NRG1: variants seen among roughly 807,000 people sequenced by gnomAD.
NRG1 encodes the protein pro-neuregulin-1, membrane-bound isoform.
NRG1 carries 18 observed loss-of-function variants against 63.8 expected under a neutral mutation model. The observed-to-expected ratio is 0.28, with a 90% CI of 0.19 to 0.42. The LOEUF is 0.42. Ranked by LOEUF, NRG1 falls within the 10% of genes least tolerant of loss-of-function variation. NRG1 has a pLI of 1.00. For missense variants in NRG1, 762 were observed against 814.7 expected, an observed-to-expected ratio of 0.94 and a Z score of 0.79; for synonymous variants, 302 against 301.3, an observed-to-expected ratio of 1.00 and a Z score of -0.02.
chr8:32,312,540 C>A (rs891401324), intron 1 of NRG1, among the ~76,000 whole-genome samples: 1 of 151,856 alleles, frequency 6.6e-6, no homozygotes, highest in African/African-American at 2.4e-5. Flanking sequence ...ACTCACAGAG[C>A]AAGAAGGCAT....
rs1208175348 is a variant in NRG1, at chr8:32,075,844, TG to T, written c.37+436414del. Reference sequence around the variant, plus strand: ...CAGGCCACCACACCCACCTAATTTTTGTGTTCATAGTAGAGACGGGGTTTCG... The same window carrying T: ...CAGGCCACCACACCCACCTAATTTTTTGTTCATAGTAGAGACGGGGTTTCG... On this transcript the variant is annotated intron_variant, in intron 1 of 10. Coordinates refer to the NRG1 transcript ENST00000519301. Among the ~76,000 whole-genome samples, 11 of 152,264 alleles carry T rather than the reference TG, an allele frequency of 7.2e-5. No individual in the cohort carries two copies. In the East Asian group the frequency reaches 2.1e-3, roughly 29 times the overall value.
chr8:31,768,732 A>C (rs1818323910), intron 1 of NRG1, among the ~76,000 whole-genome samples: 1 of 152,180 alleles, frequency 6.6e-6, no homozygotes, highest in Non-Finnish European at 1.5e-5. Flanking sequence ...TCCTTCTTAC[A>C]TAGAGACTTG....
chr8:32,239,206 C>A (rs1435699929), intron 1 of NRG1, among the ~76,000 whole-genome samples: 1 of 148,082 alleles, frequency 6.8e-6, no homozygotes, highest in African/African-American at 2.5e-5. Flanking sequence ...AAAACAGAGA[C>A]AAACAAATAT....
At chr8:32,575,993 T>A (rs949419155) in intron 1 of NRG1, among the ~76,000 whole-genome samples, 1 of 152,324 alleles carries the variant, frequency 6.6e-6, no homozygotes, top group East Asian at 1.9e-4. Flanking sequence ...AATTTATTTT[T>A]AATTAATTTT....
At position 32,517,135 on chromosome 8, in the gene NRG1, G is replaced by A. The variant is rs1049599665; in HGVS notation, c.38-78693G>A. Among the ~76,000 whole-genome samples, 4 of 152,004 alleles carry A rather than the reference G, an allele frequency of 2.6e-5. No homozygotes were observed. The East Asian group carries it at 7.7e-4, about 29-fold the overall frequency. ...ATTTGGGGCTTATTTTACCTTTGTGGTTACCCTGAGAAGCATGGTATGGCT... is the reference window on the plus strand; with the variant it reads ...ATTTGGGGCTTATTTTACCTTTGTGATTACCCTGAGAAGCATGGTATGGCT... On this transcript the variant is annotated intron_variant, in intron 1 of 10. Coordinates refer to the NRG1 transcript ENST00000519301.
rs57363109 is a variant in NRG1, at chr8:31,712,255, C to CTTTTTTTTTTTTTTTTTTTTTTT, written c.37+72832_37+72854dup. On this transcript the variant is annotated intron_variant, in intron 1 of 10. Coordinates refer to the NRG1 transcript ENST00000519301. Reference sequence around the variant, plus strand: ...TGACTTCCTGTTTCTTCTTCATGATCTTTTTTTTTTTTTTTTTTTTTTTTT... The same window carrying CTTTTTTTTTTTTTTTTTTTTTTT: ...TGACTTCCTGTTTCTTCTTCATGATCTTTTTTTTTTTTTTTTTTTTTTTTTTTTTTTTTTTTTTTTTTTTTTTT... Among the ~76,000 whole-genome samples the CTTTTTTTTTTTTTTTTTTTTTTT allele has an allele frequency of 2.2e-3, 161 of 72,346 alleles. 21 individuals are homozygous for CTTTTTTTTTTTTTTTTTTTTTTT. Among genetic ancestry groups the CTTTTTTTTTTTTTTTTTTTTTTT allele is most frequent in the Non-Finnish European group, 3.0e-3 (118 of 39,660 alleles). 47.5% of individuals were successfully genotyped at this position (72,346 alleles called of 152,430 possible).
At chr8:32,060,987 A>G (rs1823754442) in intron 1 of NRG1, among the ~76,000 whole-genome samples, 1 of 151,878 alleles carries the variant, frequency 6.6e-6, no homozygotes, top group African/African-American at 2.4e-5. Context: ...CTTCATCTTC[A>G]TCCCAAAATA....
At chr8:32,576,546 T>C (rs1034564374) in intron 1 of NRG1, among the ~76,000 whole-genome samples, 5 of 151,918 alleles carry the variant, frequency 3.3e-5, no homozygotes, top group African/African-American at 1.2e-4. Context: ...ATCTTAAACA[T>C]TTTTTCTTAA....
chr8:31,843,097 C>T (rs1826346454), intron 1 of NRG1, among the ~76,000 whole-genome samples: 1 of 151,968 alleles, frequency 6.6e-6, no homozygotes, highest in Admixed American at 6.6e-5. Flanking sequence ...AGCAGGACAC[C>T]TCTGTTCTCA....
intron 1 of NRG1, among the ~76,000 whole-genome samples, chr8:31,882,993 G>A (rs762548501): frequency 6.6e-6 from 1 of 152,094 alleles, no homozygotes; most frequent in Non-Finnish European, 1.5e-5. Flanking sequence ...CAGCAACAGG[G>A]TTTGAAAGGA....
chr8:32,771,715 A>AAT (rs1193253997), downstream of NRG1, among the ~76,000 whole-genome samples: 34 of 111,844 alleles, frequency 3.0e-4, no homozygotes, highest in African/African-American at 1.1e-3. Flanking sequence ...TTAAAAAAAA[A>AAT]ATATATATAT....
At position 32,656,841 on chromosome 8, in the gene NRG1, G is replaced by C. The variant is rs550002666; in HGVS notation, c.502+39956G>C. Among the ~76,000 whole-genome samples the C allele has an allele frequency of 5.2e-5, 7 of 134,054 alleles. No homozygotes were observed. The East Asian group carries it at 1.3e-3, about 25-fold the overall frequency. 87.9% of individuals were successfully genotyped at this position (134,054 alleles called of 152,430 possible). A position where few individuals can be genotyped will look rare whatever the true frequency, so the allele number is the denominator to read the frequency against. On this transcript the variant is annotated intron_variant, in intron 5 of 11. Transcript: ENST00000356819. Reference sequence around the variant, plus strand: ...CAATAAAACTTGGTGAAATAAAATGGAAAGCTTCCTCAGGTAAAATATTTT... The same window carrying C: ...CAATAAAACTTGGTGAAATAAAATGCAAAGCTTCCTCAGGTAAAATATTTT...
rs889820476 is a variant in NRG1 at position 32,760,063 on chromosome 8, A to G, written c.1053-137A>G. On this transcript the variant is annotated intron_variant, in intron 10 of 11. Transcript: ENST00000356819. The stretch of plus-strand genomic sequence containing the variant: ...TTACCTTTGTGGCGATTCTATTCGG[A>G]GACAAGTGATGTTACAGTGAGCTCC... 1.4e-5 allele frequency: 13 copies of G among 932,130 alleles called. No individual in the cohort carries two copies. The African/African-American group carries it at 2.2e-4, about 15-fold the overall frequency. The allele number at this position is 932,130 out of a possible 1,614,324, so 57.7% of individuals were successfully genotyped here.
chr8:31,991,443 T>A (rs1200997776), intron 1 of NRG1, among the ~76,000 whole-genome samples: 2 of 151,688 alleles, frequency 1.3e-5, no homozygotes, highest in Non-Finnish European at 2.9e-5. Context: ...CATTATCATT[T>A]CAGTGACCAG....
chr8:31,736,749 C>T (rs1197891730), intron 1 of NRG1, among the ~76,000 whole-genome samples: 2 of 152,120 alleles, frequency 1.3e-5, no homozygotes, highest in Non-Finnish European at 2.9e-5. Context: ...CACAATTCCA[C>T]TGATGTTTGT....
intron 1 of NRG1, among the ~76,000 whole-genome samples, chr8:31,719,665 A>G (rs936219065): frequency 4.6e-5 from 7 of 152,144 alleles, no homozygotes; most frequent in East Asian, 1.9e-4. Context: ...TTGAAGGTCA[A>G]CTGGGGTTTA....
chr8:32,197,446 T>G (rs1483688729), intron 1 of NRG1, among the ~76,000 whole-genome samples: 5 of 152,206 alleles, frequency 3.3e-5, no homozygotes, highest in Admixed American at 3.3e-4. Context: ...GAATTCATCA[T>G]TGCTGCCTAC....
intron 1 of NRG1, among the ~76,000 whole-genome samples, chr8:31,764,149 T>G (rs1817828644): frequency 6.6e-6 from 1 of 152,166 alleles, no homozygotes; most frequent in Admixed American, 6.5e-5. Flanking sequence ...CTTTGACTAG[T>G]CAATTCCTCC....
intron 1 of NRG1, among the ~76,000 whole-genome samples, chr8:32,003,555 A>T (rs1813281443): frequency 6.6e-6 from 1 of 152,234 alleles, no homozygotes; most frequent in African/African-American, 2.4e-5. Flanking sequence ...AAATAAAGAG[A>T]AGACATTGTA....
Sources: gnomAD v4.1 joint callset for allele counts (sites outside exome capture counted in the v4.1 genomes callset) on GRCh38, gnomAD v4.1.1 for gene constraint, MANE v1.5 for transcripts, NCBI Gene and HGNC (gene_info 2026-07-23, HGNC 2026-07-21) for gene names.